Variants in NCR3LG1 observed in about 807,000 individuals in gnomAD.
NCR3LG1 encodes natural cytotoxicity triggering receptor 3 ligand 1.
Under a neutral mutation model 34.8 loss-of-function variants are expected in NCR3LG1, and 35 were observed. That is an observed-to-expected ratio of 1.01 (90% CI 0.77 to 1.33). The LOEUF (loss-of-function observed/expected upper bound fraction) is 1.33. Among genes scored for constraint, NCR3LG1 ranks in the 40% most tolerant of loss-of-function variants. The probability of loss-of-function intolerance (pLI) is 0.00; values close to 1 mark genes in which losing one functional copy is unlikely to be tolerated. For missense variants in NCR3LG1, 452 were observed against 423.3 expected, an observed-to-expected ratio of 1.07 and a Z score of -0.60; for synonymous variants, 173 against 163.6, an observed-to-expected ratio of 1.06 and a Z score of -0.44.
At position 17,367,750 on chromosome 11, in the gene NCR3LG1, G is replaced by C. The variant is rs147390841; in HGVS notation, c.760+403G>C. On this transcript the variant is annotated intron_variant, in intron 3 of 4. Transcript: ENST00000338965. ...CAGGGGCCAGGGACCAGTCCTGCTA[G>C]CAGCCCTTCTAATAAGGCTCTAGGT... 4.8e-3 allele frequency among the ~76,000 whole-genome samples: 726 copies of C among 152,192 alleles called. 15 individuals carry two copies. The highest frequency in any genetic ancestry group is 9.5e-3 in the East Asian group (49 of 5,180).
Position 17,377,317 on chromosome 11 carries a change from TAATAC to T in NCR3LG1, c.*4808_*4812del, listed in dbSNP as rs1953486526. 1.5e-5 allele frequency: 1 copy of T among 65,570 alleles called. No homozygotes were observed. Among genetic ancestry groups the T allele is most frequent in the Non-Finnish European group, 2.9e-5 (1 of 34,206 alleles). The allele number at this position is 65,570 out of a possible 1,614,324, so 4.1% of individuals were successfully genotyped here. ...TATGGTGAAACCCCGTCTGTACTAA[TAATAC>T]AAAAAAAAAAAAAAAAAAAGCCAGG... On this transcript the variant is annotated 3_prime_UTR_variant, in exon 5 of 5. Transcript: ENST00000338965.
At chr11:17,381,496 ACAGT>A (rs1953513160), downstream of NCR3LG1, 1 of 151,816 alleles carries the variant, frequency 6.6e-6, no homozygotes, top group Non-Finnish European at 1.5e-5. Flanking sequence ...AACCAAGGAC[ACAGT>A]CAGCATTTAA....
intron 2 of NCR3LG1, among the ~76,000 whole-genome samples, chr11:17,357,634 AGTGGCTATATATAC>A (rs1313703727): frequency 6.7e-6 from 1 of 149,264 alleles, no homozygotes; most frequent in Non-Finnish European, 1.5e-5. Context: ...TAACAGTGAC[AGTGGCTATATATAC>A]GGCCAACTGA....
intron 3 of NCR3LG1, 88 bp from the exon 4 acceptor site, chr11:17,368,775 GACAC>G (rs1248339830): frequency 2.4e-6 from 2 of 836,962 alleles, no homozygotes; most frequent in African/African-American, 3.4e-5. Context: ...CAAGGAGGAT[GACAC>G]AACCACACAG....
chr11:17,371,971 G>T (rs1953410065), intron 4 of NCR3LG1, 35 bp from the exon 5 acceptor site: 2 of 682,852 alleles, frequency 2.9e-6, no homozygotes, highest in Admixed American at 2.1e-5. Context: ...GGACAAAGGA[G>T]ACTAAGGGAT....
intron 2 of NCR3LG1, among the ~76,000 whole-genome samples, chr11:17,361,277 G>A (rs561292812): frequency 6.9e-6 from 1 of 145,240 alleles, no homozygotes; most frequent in East Asian, 2.1e-4. Flanking sequence ...GATCAAGTTG[G>A]GAAAAATTGA....
At chr11:17,359,836 A>C (rs906125093) in intron 2 of NCR3LG1, among the ~76,000 whole-genome samples, 54 of 152,074 alleles carry the variant, frequency 3.6e-4, no homozygotes, top group Non-Finnish European at 1.0e-4. Flanking sequence ...TTTAATAAGT[A>C]TATAGTGGTA....
rs1953202386 is a variant in NCR3LG1 at position 17,356,154 on chromosome 11, T to TG, written c.71-497_71-496insG. Reference sequence around the variant, plus strand: ...TTTCTTTCTTTTTTTTTTTTTTTTTTTGAGACAGAGTGTCGCTCTGTCACC... The same window carrying TG: ...TTTCTTTCTTTTTTTTTTTTTTTTTTGTGAGACAGAGTGTCGCTCTGTCACC... On this transcript the variant is annotated intron_variant, in intron 1 of 4. Transcript: ENST00000338965. Among the ~76,000 whole-genome samples, 6 of 147,982 alleles carry TG rather than the reference T, an allele frequency of 4.1e-5. No individual in the cohort carries two copies. In the South Asian group the frequency reaches 1.3e-3, roughly 32 times the overall value.
At position 17,376,710 on chromosome 11, in the gene NCR3LG1, C is replaced by G. The variant is rs552035368; in HGVS notation, c.*4198C>G. On this transcript the variant is annotated 3_prime_UTR_variant, in exon 5 of 5. Coordinates refer to ENST00000338965, the MANE Select transcript of NCR3LG1 (RefSeq NM_001202439.3). ...ACTTTCCCCAAAGATAAGCCTCACA[C>G]CCTCAGGCTAGGAAAAGTTGGCCGG... 21 of 152,360 alleles carry G rather than the reference C, an allele frequency of 1.4e-4. No homozygotes were observed. Among genetic ancestry groups the G allele is most frequent in the African/African-American group, 5.0e-4 (21 of 41,590 alleles). 9.4% of individuals were successfully genotyped at this position (152,360 alleles called of 1,614,324 possible). A position where few individuals can be genotyped will look rare whatever the true frequency, so the allele number is the denominator to read the frequency against.
chr11:17,378,962 C>T (rs1405335405), downstream of NCR3LG1, among the ~76,000 whole-genome samples: 1 of 152,118 alleles, frequency 6.6e-6, no homozygotes, highest in East Asian at 1.9e-4. Flanking sequence ...AAGCTAAGGG[C>T]CTGCATGCAC....
rs946504061 is a variant in NCR3LG1, at chr11:17,375,353, A to C, written c.*2841A>C. 6.6e-6 allele frequency: 1 copy of C among 152,170 alleles called. No individual in the cohort carries two copies. 9.4% of individuals were successfully genotyped at this position (152,170 alleles called of 1,614,324 possible). On this transcript the variant is annotated 3_prime_UTR_variant, in exon 5 of 5. Transcript: ENST00000338965. ...CCCCTAGAAAATCCAGACTGGACCC[A>C]CTTTATGGATGGGAGCTCTTTTGTA... is the stretch of plus-strand genomic sequence containing the variant.
chr11:17,351,899 C>T lies in NCR3LG1; in HGVS notation c.-71C>T, dbSNP rs569921012. ...ACTCTTTACGCAACAGAGGTCTCCC[C>T]CTGCCCTTGGTTTCTACCGGGCCGC... On this transcript the variant is annotated 5_prime_UTR_variant, in exon 1 of 5. Transcript: ENST00000338965. The T allele has an allele frequency of 6.5e-6, 8 of 1,230,510 alleles. No individual in the cohort carries two copies. Among genetic ancestry groups the T allele is most frequent in the Admixed American group, 4.0e-5 (2 of 50,096 alleles). 76.2% of individuals were successfully genotyped at this position (1,230,510 alleles called of 1,614,324 possible). A position where few individuals can be genotyped will look rare whatever the true frequency, so the allele number is the denominator to read the frequency against.
Position 17,368,882 on chromosome 11 carries a change from A to G in NCR3LG1, c.776A>G (p.Asp259Gly). The G allele has an allele frequency of 6.5e-7, 1 of 1,533,236 alleles. No homozygotes were observed. The highest frequency in any genetic ancestry group is 8.7e-7 in the Non-Finnish European group (1 of 1,144,260). 95.0% of individuals were successfully genotyped at this position (1,533,236 alleles called of 1,614,324 possible). Residue 259 changes from aspartate (D) to glycine (G), a missense_variant, in exon 4 of 5, where the codon GAT (aspartate) becomes GGT (glycine). Asp to Gly is a moderately conservative substitution (Grantham distance 94). Transcript: ENST00000338965. ...RHSLSETEKT[D>G]NFSIHWWPIS... ...CTCTCTGCAGAAACTGAGAAGACAG[A>G]TAATTTTTCCATTCATTGGTGGCCT...
chr11:17,358,237 G>A (rs1047433404), intron 2 of NCR3LG1, among the ~76,000 whole-genome samples: 10 of 152,104 alleles, frequency 6.6e-5, no homozygotes, highest in African/African-American at 2.4e-5. Flanking sequence ...TTTACCTAAT[G>A]TCCTTTTCCT....
intron 2 of NCR3LG1, among the ~76,000 whole-genome samples, chr11:17,362,220 G>A (rs926708651): frequency 2.0e-5 from 3 of 151,990 alleles, no homozygotes; most frequent in African/African-American, 7.2e-5. Flanking sequence ...CTGCATTATT[G>A]GTATGATCAT....
At chr11:17,358,083 G>A (rs771399391) in intron 2 of NCR3LG1, among the ~76,000 whole-genome samples, 15 of 152,084 alleles carry the variant, frequency 9.9e-5, no homozygotes, top group Non-Finnish European at 1.6e-4. Flanking sequence ...AATAGTATGA[G>A]AGTTCTCATA....
chr11:17,351,934 C>T lies in NCR3LG1; in HGVS notation c.-36C>T, dbSNP rs899685438. ...GTTTCTACCGGGCCGCCTGCTCCCA[C>T]TCGGCGAAAAAAATTACACAACAGC... On this transcript the variant is annotated 5_prime_UTR_variant, in exon 1 of 5. Transcript: ENST00000338965. The T allele has an allele frequency of 2.0e-6, 3 of 1,514,722 alleles. No homozygotes were observed. In the African/African-American group the frequency reaches 4.2e-5, roughly 21 times the overall value. 93.8% of individuals were successfully genotyped at this position (1,514,722 alleles called of 1,614,324 possible).
Position 17,371,946 on chromosome 11 carries a change from T to C in NCR3LG1, c.859-60T>C. 12 of 631,558 alleles carry C rather than the reference T, an allele frequency of 1.9e-5. No individual in the cohort carries two copies. The South Asian group carries it at 2.2e-4, about 12-fold the overall frequency. The allele number at this position is 631,558 out of a possible 1,614,324, so 39.1% of individuals were successfully genotyped here. A position where few individuals can be genotyped will look rare whatever the true frequency, so the allele number is the denominator to read the frequency against. On this transcript the variant is annotated intron_variant, in intron 4 of 4. Transcript: ENST00000338965. ...GCCCCTTCCATTTTTCTCTCTGCTG[T>C]CGATCACTCCAGAAGGACAAAGGAG...
chr11:17,359,676 T>A (rs954622410), intron 2 of NCR3LG1, among the ~76,000 whole-genome samples: 1 of 152,010 alleles, frequency 6.6e-6, no homozygotes, highest in African/African-American at 2.4e-5. Flanking sequence ...CACGCCTGGC[T>A]AATTTTTGTA....
Sources: gnomAD v4.1 joint callset for allele counts (sites outside exome capture counted in the v4.1 genomes callset) on GRCh38, gnomAD v4.1.1 for gene constraint, MANE v1.5 for transcripts, NCBI Gene and HGNC (gene_info 2026-07-23, HGNC 2026-07-21) for gene names.